PCDHGB3: variants seen among roughly 807,000 people sequenced by gnomAD.
PCDHGB3 encodes the protein protocadherin gamma subfamily B, 3.
Under a neutral mutation model 59.2 loss-of-function variants are expected in PCDHGB3, and 40 were observed. The ratio of observed to expected loss-of-function variants is 0.68; its 90% confidence interval spans 0.52 to 0.88. PCDHGB3 has a LOEUF of 0.88. Ranked by LOEUF, PCDHGB3 falls within the 40% of genes least tolerant of loss-of-function variation. The probability of loss-of-function intolerance (pLI) is 0.00; values close to 1 mark genes in which losing one functional copy is unlikely to be tolerated. For synonymous variants in PCDHGB3, 581 were observed against 503.6 expected, an observed-to-expected ratio of 1.15 and a Z score of -2.06; for missense variants, 1,309 against 1,187.9, an observed-to-expected ratio of 1.10 and a Z score of -1.50.
rs1358954122 is a variant in PCDHGB3, at chr5:141,491,553, C to T, written c.2416-3254C>T. On this transcript the variant is annotated intron_variant, in intron 1 of 3. Coordinates refer to ENST00000576222, the MANE Select transcript of PCDHGB3 (RefSeq NM_018924.5). This position sits in a 1 kb window ranked among gnomAD's most constrained non-coding sequence, Gnocchi z 6.9. ...CGCTGCGGCCCACAGACTCGCAGAG[C>T]CACTGCTACAGGACGTGCTTTTCAC... The T allele has an allele frequency of 6.2e-7, 1 of 1,613,954 alleles. No homozygotes were observed.
chr5:141,381,016 C>G (rs961179270), intron 1 of PCDHGB3, among the ~76,000 whole-genome samples: 1 of 152,210 alleles, frequency 6.6e-6, no homozygotes, highest in African/African-American at 2.4e-5. Flanking sequence ...TATAATACCT[C>G]TATTAGTTCC....
At chr5:141,409,192 G>A in intron 1 of PCDHGB3, 4 of 1,614,000 alleles carry the variant, frequency 2.5e-6, no homozygotes, top group Non-Finnish European at 3.4e-6. Context: ...TCTCTACCCA[G>A]TGTAAAGTAA....
At position 141,491,381 on chromosome 5, in the gene PCDHGB3, C is replaced by CT. The variant is rs1554177905; in HGVS notation, c.2416-3426_2416-3425insT. The CT allele has an allele frequency of 2.8e-5, 45 of 1,614,068 alleles. No individual in the cohort carries two copies. Among genetic ancestry groups the CT allele is most frequent in the Non-Finnish European group, 3.5e-5 (41 of 1,179,950 alleles). On this transcript the variant is annotated intron_variant, in intron 1 of 3. Coordinates refer to ENST00000576222, the MANE Select transcript of PCDHGB3 (RefSeq NM_018924.5). This position sits in a 1 kb window ranked among gnomAD's most constrained non-coding sequence, Gnocchi z 6.9. ...CTAGTCACCTTCACCTTTCTGTCAG[C>CT]GAAGTGCCTTCAGGGAAACGCAGAC...
At chr5:141,392,627 G>C (rs4151699) in intron 1 of PCDHGB3, 43,187 of 584,208 alleles carry the variant, frequency 0.074, 2,003 homozygotes, top group Non-Finnish European at 0.093. Flanking sequence ...AAAACACTCA[G>C]ATCTCACACC....
chr5:141,394,701 C>G lies in PCDHGB3; in HGVS notation c.2415+21892C>G, dbSNP rs375281416. 1.9e-6 allele frequency: 3 copies of G among 1,613,162 alleles called. No homozygotes were observed. Among genetic ancestry groups the G allele is most frequent in the Non-Finnish European group, 2.5e-6 (3 of 1,179,880 alleles). ...GCACACGGGCGAGGTGCGCACGGCG[C>G]GAGCCCTGCTGGACAGAGATGCGCT... is the stretch of plus-strand genomic sequence containing the variant. On this transcript the variant is annotated intron_variant, in intron 1 of 3. Transcript: ENST00000576222.
chr5:141,443,317 CA>C (rs35054295), intron 1 of PCDHGB3, among the ~76,000 whole-genome samples: 28 of 142,048 alleles, frequency 2.0e-4, no homozygotes, highest in Non-Finnish European at 2.6e-4. Flanking sequence ...CCCATCTCTA[CA>C]AAAAAAAAAA....
chr5:141,394,466 C>G lies in PCDHGB3; in HGVS notation c.2415+21657C>G, dbSNP rs765078363. 3.7e-6 allele frequency: 6 copies of G among 1,614,222 alleles called. 1 individual carries two copies. Among genetic ancestry groups the G allele is most frequent in the East Asian group, 4.5e-5 (2 of 44,878 alleles). On this transcript the variant is annotated intron_variant, in intron 1 of 3. Transcript: ENST00000576222. The stretch of plus-strand genomic sequence containing the variant: ...GCAGCAACATGTCACTGAGCCTGTT[C>G]GTGCTGGACCAGAATGACAACGCGC...
intron 1 of PCDHGB3, among the ~76,000 whole-genome samples, chr5:141,433,995 CT>C (rs2097669147): frequency 2.6e-5 from 4 of 152,028 alleles, no homozygotes; most frequent in Admixed American, 2.0e-4. Flanking sequence ...GTTTTATATT[CT>C]CTATATATGT....
At position 141,431,641 on chromosome 5, in the gene PCDHGB3, A is replaced by G. The variant is rs772686680; in HGVS notation, c.2415+58832A>G. ...ACAAGGCGGCCCAAGTTTTCAAACT[A>G]GATTGTAATTCAGGGACAATATCAA... is the stretch of plus-strand genomic sequence containing the variant. On this transcript the variant is annotated intron_variant, in intron 1 of 3. Coordinates refer to ENST00000576222, the MANE Select transcript of PCDHGB3 (RefSeq NM_018924.5). This position sits in a 1 kb window ranked among gnomAD's most constrained non-coding sequence, Gnocchi z 4.8. The G allele has an allele frequency of 6.2e-7, 1 of 1,614,270 alleles. No individual in the cohort carries two copies. Among genetic ancestry groups the G allele is most frequent in the South Asian group, 1.1e-5 (1 of 91,092 alleles).
intron 3 of PCDHGB3, among the ~76,000 whole-genome samples, chr5:141,507,856 A>T (rs1200072170): frequency 1.3e-5 from 2 of 151,926 alleles, no homozygotes; most frequent in Non-Finnish European, 2.9e-5. Flanking sequence ...TCTCACTTTC[A>T]CACCCGCTTC....
intron 1 of PCDHGB3, among the ~76,000 whole-genome samples, chr5:141,481,692 G>A (rs1231630072): frequency 3.3e-5 from 5 of 152,020 alleles, no homozygotes; most frequent in East Asian, 1.9e-4. Context: ...GGTGGCTCAC[G>A]CCTGTAATCC....
chr5:141,419,524 T>C (rs1400473876), intron 1 of PCDHGB3: 4 of 1,612,164 alleles, frequency 2.5e-6, no homozygotes, highest in Non-Finnish European at 3.4e-6. Flanking sequence ...TGGGCGACCG[T>C]AACGACAACG....
intron 1 of PCDHGB3, chr5:141,441,364 C>T (rs533396852): frequency 6.6e-6 from 1 of 152,646 alleles, no homozygotes; most frequent in South Asian, 2.1e-4. Context: ...CAAATGGGGC[C>T]GTGGACCAGG....
chr5:141,399,259 G>A, intron 1 of PCDHGB3: 1 of 1,613,874 alleles, frequency 6.2e-7, no homozygotes, highest in Non-Finnish European at 8.5e-7. Context: ...AAATGGGGAG[G>A]TTAATTGTCA....
At chr5:141,423,797 C>A in intron 1 of PCDHGB3, 2 of 1,249,164 alleles carry the variant, frequency 1.6e-6, no homozygotes, top group African/African-American at 1.6e-5. Flanking sequence ...ATATTTAGAG[C>A]AATACATGTG....
intron 1 of PCDHGB3, among the ~76,000 whole-genome samples, chr5:141,380,531 AT>A (rs543704325): frequency 5.7e-4 from 87 of 152,348 alleles, no homozygotes; most frequent in African/African-American, 2.0e-3. Flanking sequence ...AATGATTTCA[AT>A]TTGATACAAT....
chr5:141,478,711 T>A, intron 1 of PCDHGB3: 1 of 1,547,346 alleles, frequency 6.5e-7, no homozygotes, highest in Non-Finnish European at 8.7e-7. Flanking sequence ...CTTTGTGAGA[T>A]GGTGGCCTGC....
At chr5:141,422,926 GC>G in intron 1 of PCDHGB3, 1 of 1,614,230 alleles carries the variant, frequency 6.2e-7, no homozygotes, top group Non-Finnish European at 8.5e-7. Flanking sequence ...CCTGTACCCT[GC>G]CCTCCCCACA....
At chr5:141,428,823 T>C (rs2097162740) in intron 1 of PCDHGB3, 1 of 152,274 alleles carries the variant, frequency 6.6e-6, no homozygotes, top group Non-Finnish European at 1.5e-5. Context: ...TTAGCTTTCA[T>C]GTATTTTTGA....
Sources: allele counts gnomAD v4.1 joint callset (sites outside exome capture counted in the v4.1 genomes callset), GRCh38; gene constraint gnomAD v4.1.1; non-coding constraint Gnocchi (gnomAD v3.1); transcripts MANE v1.5; gene names NCBI Gene and HGNC (gene_info 2026-07-23, HGNC 2026-07-21).